The following CDK19 variants were observed in gnomAD, a reference collection of about 807,000 sequenced individuals.
The protein encoded by CDK19 is cyclin dependent kinase 19.
A neutral mutation model predicts 68.3 loss-of-function variants in CDK19; 20 were observed. The ratio of observed to expected loss-of-function variants is 0.29; its 90% CI spans 0.21 to 0.43. The LOEUF (loss-of-function observed/expected upper bound fraction) is 0.43, where lower values mean the gene tolerates loss of function less well. CDK19 is among the 20% of genes least tolerant of loss of function. The pLI, the probability that CDK19 is intolerant of heterozygous loss-of-function variation, is 1.00. For synonymous variants in CDK19, 221 were observed against 222.8 expected (o/e 0.99, Z 0.07); for missense variants, 339 against 623.5 (o/e 0.54, Z 4.86).
chr6:110,783,954 G>T (rs781583251), intron 1 of CDK19, among the ~76,000 whole-genome samples: 10 of 151,972 alleles, frequency 6.6e-5, no homozygotes, highest in Non-Finnish European at 1.5e-4. Context: ...GAGGTCAGGA[G>T]TTCGAGACCA....
At chr6:110,750,839 C>T (rs1256063850) in intron 1 of CDK19, among the ~76,000 whole-genome samples, 2 of 151,966 alleles carry the variant, frequency 1.3e-5, no homozygotes, top group African/African-American at 4.8e-5. Flanking sequence ...GAAGATACTT[C>T]TCTTTTTCTT....
chr6:110,808,229 C>T (rs1414067485), intron 1 of CDK19, among the ~76,000 whole-genome samples: 2 of 152,204 alleles, frequency 1.3e-5, no homozygotes, highest in South Asian at 2.1e-4. Context: ...TAACTACATT[C>T]CAGTAATCGA....
In CDK19 at chr6:110,747,151, C is replaced by T. The variant is rs571145271; in HGVS notation, c.129-950G>A. ...GTCATGATGTTTTTGTCAAATATAG[C>T]GCCAAAGTAGTGCCACATCTGTCTT... is the stretch of plus-strand genomic sequence containing the variant. On this transcript the variant is annotated intron_variant, in intron 1 of 12. Transcript: ENST00000368911. Among the ~76,000 whole-genome samples the T allele has an allele frequency of 3.9e-5, 6 of 152,276 alleles. No individual in the cohort carries two copies. In the East Asian group the frequency reaches 5.8e-4, roughly 15 times the overall value.
intron 1 of CDK19, among the ~76,000 whole-genome samples, chr6:110,809,499 A>G (rs528610880): frequency 6.6e-6 from 1 of 152,294 alleles, no homozygotes; most frequent in African/African-American, 2.4e-5. Flanking sequence ...AGCCTTGGTG[A>G]TAGAGTGAGA....
intron 4 of CDK19, chr6:110,645,840 T>TACCCCATGCACCGCC: frequency 1.6e-6 from 1 of 621,208 alleles, no homozygotes; most frequent in Non-Finnish European, 2.9e-6. Flanking sequence ...CGCGCCGCGC[T>TACCCCATGCACCGCC]TCCTCCTGAC....
At chr6:110,765,329 T>C (rs992073324) in intron 1 of CDK19, among the ~76,000 whole-genome samples, 3 of 152,118 alleles carry the variant, frequency 2.0e-5, no homozygotes, top group African/African-American at 7.2e-5. Context: ...CAAATAGCTA[T>C]GATCACACCA....
chr6:110,725,395 AAAT>A (rs974496726), intron 2 of CDK19, among the ~76,000 whole-genome samples: 2 of 152,196 alleles, frequency 1.3e-5, no homozygotes, highest in South Asian at 2.1e-4. Context: ...CCTCTCAGAA[AAAT>A]AATGACTCAA....
intron 2 of CDK19, among the ~76,000 whole-genome samples, chr6:110,707,663 T>G (rs141188128): frequency 4.4e-4 from 67 of 152,252 alleles, no homozygotes; most frequent in Non-Finnish European, 6.3e-4. Context: ...TGCCAGGGTA[T>G]GAAATTGCTT....
intron 1 of CDK19, among the ~76,000 whole-genome samples, chr6:110,784,546 G>A (rs1317577448): frequency 6.6e-6 from 1 of 152,120 alleles, no homozygotes; most frequent in Non-Finnish European, 1.5e-5. Flanking sequence ...AATGTGAAAT[G>A]GTACAGTTGC....
At chr6:110,777,810 A>C (rs1294324187) in intron 1 of CDK19, among the ~76,000 whole-genome samples, 1 of 152,240 alleles carries the variant, frequency 6.6e-6, no homozygotes, top group Non-Finnish European at 1.5e-5. Flanking sequence ...TATTAGCCAT[A>C]AAAAGGAGGG....
At chr6:110,792,161 G>C (rs1781642394) in intron 1 of CDK19, among the ~76,000 whole-genome samples, 1 of 151,814 alleles carries the variant, frequency 6.6e-6, no homozygotes, top group Non-Finnish European at 1.5e-5. Flanking sequence ...AGTAGAGACA[G>C]GGTTTCACCA....
At chr6:110,750,013 G>A (rs538204553) in intron 1 of CDK19, among the ~76,000 whole-genome samples, 1 of 145,154 alleles carries the variant, frequency 6.9e-6, no homozygotes, top group Non-Finnish European at 1.5e-5. Context: ...CTGGTGATCC[G>A]CCCGCCTTGG....
chr6:110,733,636 G>C (rs1776933198), intron 2 of CDK19, among the ~76,000 whole-genome samples: 2 of 151,898 alleles, frequency 1.3e-5, no homozygotes, highest in Admixed American at 6.6e-5. Context: ...CATTCTGGTG[G>C]AGGTATAGTA....
At chr6:110,680,671 C>T (rs1367762623) in intron 2 of CDK19, among the ~76,000 whole-genome samples, 3 of 152,082 alleles carry the variant, frequency 2.0e-5, no homozygotes, top group East Asian at 1.9e-4. Context: ...TTTAATTACT[C>T]GAGGAAAGAC....
chr6:110,761,256 G>A (rs1237054704), intron 1 of CDK19, among the ~76,000 whole-genome samples: 1 of 152,116 alleles, frequency 6.6e-6, no homozygotes, highest in Non-Finnish European at 1.5e-5. Context: ...CACACAATCT[G>A]TGATTTTTGT....
At chr6:110,662,219 C>A (rs1354946762) in intron 4 of CDK19, among the ~76,000 whole-genome samples, 1 of 152,194 alleles carries the variant, frequency 6.6e-6, no homozygotes, top group Non-Finnish European at 1.5e-5. Flanking sequence ...ATCCACCCGC[C>A]TTGGCCTCCT....
intron 4 of CDK19, among the ~76,000 whole-genome samples, chr6:110,657,068 G>C (rs896696271): frequency 2.0e-5 from 3 of 152,184 alleles, no homozygotes; most frequent in African/African-American, 7.2e-5. Context: ...GAATGTCAGA[G>C]ATAGAAATTC....
rs368160400 is a variant in CDK19, at chr6:110,783,815, C to A, written c.128+31194G>T. Among the ~76,000 whole-genome samples, 27 of 152,026 alleles carry A rather than the reference C, an allele frequency of 1.8e-4. No homozygotes were observed. The South Asian group carries it at 5.4e-3, about 30-fold the overall frequency. On this transcript the variant is annotated intron_variant, in intron 1 of 12. Transcript: ENST00000368911. ...GATTGGACTTCATCAAAATTAAAAACTTTTGTGATTCAAAGTGAATCACAA... is the reference window on the plus strand; with the variant it reads ...GATTGGACTTCATCAAAATTAAAAAATTTTGTGATTCAAAGTGAATCACAA...
intron 1 of CDK19, among the ~76,000 whole-genome samples, chr6:110,808,898 A>G (rs982357605): frequency 6.6e-6 from 1 of 152,094 alleles, no homozygotes; most frequent in Non-Finnish European, 1.5e-5. Context: ...TTCCTTAGCA[A>G]TATCTAATAT....
Sources: allele counts gnomAD v4.1 joint callset (sites outside exome capture counted in the v4.1 genomes callset), GRCh38; gene constraint gnomAD v4.1.1; transcripts MANE v1.5; gene names NCBI Gene and HGNC (gene_info 2026-07-23, HGNC 2026-07-21).